Variants in PLPP4 observed in about 807,000 individuals in gnomAD.
PLPP4 encodes phospholipid phosphatase 4, also known as diacylglycerol pyrophosphate like 2.
PLPP4 carries 20 observed loss-of-function variants against 32.2 expected under a neutral mutation model. The observed-to-expected ratio is 0.62, with a 90% CI of 0.44 to 0.90. The LOEUF is 0.90. Among genes scored for constraint, PLPP4 ranks in the 40% least tolerant of loss-of-function variants. The pLI is 0.00. For missense variants in PLPP4, 257 were observed against 353.1 expected, an observed-to-expected ratio of 0.73 and a Z score of 2.18; for synonymous variants, 127 against 133.0, an observed-to-expected ratio of 0.95 and a Z score of 0.31.
chr10:120,474,658 T>C (rs1843815685), intron 1 of PLPP4, among the ~76,000 whole-genome samples: 1 of 152,198 alleles, frequency 6.6e-6, no homozygotes, highest in South Asian at 2.1e-4. Context: ...CATTGATGCT[T>C]TGCTTTTGTT....
At chr10:120,537,314 A>G (rs1460589224) in intron 5 of PLPP4, among the ~76,000 whole-genome samples, 1 of 152,212 alleles carries the variant, frequency 6.6e-6, no homozygotes, top group South Asian at 2.1e-4. Context: ...GAATAAAGAA[A>G]ATGTGATAGA....
At chr10:120,558,860 GCTT>G (rs1166941727) in intron 5 of PLPP4, among the ~76,000 whole-genome samples, 6 of 152,204 alleles carry the variant, frequency 3.9e-5, no homozygotes, top group African/African-American at 1.2e-4. Flanking sequence ...TTCTTTTTGT[GCTT>G]CTTCCAAATA....
At chr10:120,536,231 T>C (rs915144093) in intron 5 of PLPP4, among the ~76,000 whole-genome samples, 4 of 151,928 alleles carry the variant, frequency 2.6e-5, no homozygotes, top group African/African-American at 9.7e-5. Flanking sequence ...AGACCCCAGA[T>C]AGGTAAATCA....
chr10:120,569,155 C>T (rs1449194027), intron 5 of PLPP4, among the ~76,000 whole-genome samples: 1 of 151,844 alleles, frequency 6.6e-6, no homozygotes. Flanking sequence ...AGGAGAATCA[C>T]TTGAATCCGG....
chr10:120,547,754 G>A (rs564418186), intron 5 of PLPP4, among the ~76,000 whole-genome samples: 9 of 152,096 alleles, frequency 5.9e-5, no homozygotes, highest in Middle Eastern at 3.2e-3. Flanking sequence ...TCATGAAAAC[G>A]TCATGGTTTA....
chr10:120,547,610 T>G (rs1847690032), intron 5 of PLPP4, among the ~76,000 whole-genome samples: 1 of 152,216 alleles, frequency 6.6e-6, no homozygotes, highest in South Asian at 2.1e-4. Context: ...TTGACCCATG[T>G]GAAAAACTGA....
intron 1 of PLPP4, among the ~76,000 whole-genome samples, chr10:120,503,382 T>C (rs1033225196): frequency 2.0e-5 from 3 of 152,202 alleles, no homozygotes; most frequent in Admixed American, 6.5e-5. Flanking sequence ...CAGTGACTGC[T>C]TTTCATTGAC....
At chr10:120,517,957 A>G (rs1470095611) in intron 3 of PLPP4, among the ~76,000 whole-genome samples, 1 of 152,190 alleles carries the variant, frequency 6.6e-6, no homozygotes, top group Admixed American at 6.5e-5. Flanking sequence ...CACATGCTTT[A>G]TTATTCAACA....
chr10:120,587,792 G>T (rs1849830634), intron 6 of PLPP4, among the ~76,000 whole-genome samples: 1 of 152,192 alleles, frequency 6.6e-6, no homozygotes, highest in Non-Finnish European at 1.5e-5. Flanking sequence ...GAGATGCAGG[G>T]ACATTAGTTT....
At chr10:120,569,996 C>G (rs1848858497) in intron 5 of PLPP4, among the ~76,000 whole-genome samples, 1 of 152,228 alleles carries the variant, frequency 6.6e-6, no homozygotes, top group Non-Finnish European at 1.5e-5. Context: ...AGCTGCATCA[C>G]ACCTATATAA....
intron 5 of PLPP4, among the ~76,000 whole-genome samples, chr10:120,572,220 G>T (rs1240298695): frequency 6.6e-6 from 1 of 152,224 alleles, no homozygotes; most frequent in Non-Finnish European, 1.5e-5. Flanking sequence ...ATGAGTTAGA[G>T]CCTGGGGTGC....
intron 6 of PLPP4, among the ~76,000 whole-genome samples, chr10:120,579,892 G>A (rs1849402824): frequency 6.6e-6 from 1 of 150,996 alleles, no homozygotes; most frequent in Non-Finnish European, 1.5e-5. Context: ...CAGATCACGA[G>A]GTCAGGAGAT....
At chr10:120,550,249 A>G (rs139501962) in intron 5 of PLPP4, among the ~76,000 whole-genome samples, 2 of 152,088 alleles carry the variant, frequency 1.3e-5, no homozygotes, top group East Asian at 3.9e-4. Flanking sequence ...AAACTGTGAA[A>G]CCTATATTTT....
In PLPP4 at chr10:120,589,750, G is replaced by GATAC; in HGVS notation, c.*248_*249insATAC. 2 of 474,288 alleles carry GATAC rather than the reference G, an allele frequency of 4.2e-6. No homozygotes were observed. Among genetic ancestry groups the GATAC allele is most frequent in the Admixed American group, 3.8e-5 (1 of 26,500 alleles). 29.4% of individuals were successfully genotyped at this position (474,288 alleles called of 1,614,324 possible). A position where few individuals can be genotyped will look rare whatever the true frequency, so the allele number is the denominator to read the frequency against. On this transcript the variant is annotated 3_prime_UTR_variant, in exon 7 of 7. Transcript: ENST00000398250. ...GGAAGAGGCTGTGAAGGTGGGGTTT[G>GATAC]GGGAGCTTGGCCGATTCGTCTATCT...
At chr10:120,550,173 A>C (rs941389020) in intron 5 of PLPP4, among the ~76,000 whole-genome samples, 1 of 152,130 alleles carries the variant, frequency 6.6e-6, no homozygotes, top group Admixed American at 6.5e-5. Context: ...ATACAATGTC[A>C]ATATGCAATT....
intron 1 of PLPP4, among the ~76,000 whole-genome samples, chr10:120,479,734 G>A (rs142963229): frequency 4.8e-4 from 73 of 152,316 alleles, no homozygotes; most frequent in Non-Finnish European, 9.4e-4. Context: ...AATAAAAATC[G>A]TTGCCTTCAT....
At chr10:120,535,345 CTT>C (rs1347333436) in intron 5 of PLPP4, among the ~76,000 whole-genome samples, 2 of 151,772 alleles carry the variant, frequency 1.3e-5, no homozygotes, top group Non-Finnish European at 2.9e-5. Flanking sequence ...ATTTTACTCT[CTT>C]GACATTTATT....
At chr10:120,462,473 C>T (rs908605881) in intron 1 of PLPP4, among the ~76,000 whole-genome samples, 9 of 152,338 alleles carry the variant, frequency 5.9e-5, no homozygotes, top group Admixed American at 5.9e-4. Flanking sequence ...CCCTGCTTCA[C>T]AGCTCCCCAG....
intron 5 of PLPP4, among the ~76,000 whole-genome samples, chr10:120,571,315 G>C (rs1848932025): frequency 6.6e-6 from 1 of 151,980 alleles, no homozygotes; most frequent in African/African-American, 2.4e-5. Context: ...AATGTTTAAT[G>C]CCCTAAGTCT....
Sources: gnomAD v4.1 joint callset for allele counts (sites outside exome capture counted in the v4.1 genomes callset) on GRCh38, gnomAD v4.1.1 for gene constraint, MANE v1.5 for transcripts, NCBI Gene and HGNC (gene_info 2026-07-23, HGNC 2026-07-21) for gene names.